The following NR4A3 variants were observed in gnomAD, a reference collection of about 807,000 sequenced individuals.
NR4A3 encodes the protein chondrosarcoma, extraskeletal myxoid, fused to EWS.
NR4A3 carries 13 observed loss-of-function variants against 55.6 expected under a neutral mutation model. The observed-to-expected ratio is 0.23, with a 90% CI of 0.15 to 0.37. The LOEUF (loss-of-function observed/expected upper bound fraction) is 0.37, where lower values mean the gene tolerates loss of function less well. NR4A3 is among the 10% of genes least tolerant of loss of function. The pLI is 1.00. For synonymous variants in NR4A3, 342 were observed against 357.9 expected (o/e 0.96, Z 0.50); for missense variants, 646 against 822.8 (o/e 0.79, Z 2.63).
At chr9:99,839,305 A>C (rs1242481567) in intron 5 of NR4A3, among the ~76,000 whole-genome samples, 1 of 152,036 alleles carries the variant, frequency 6.6e-6, no homozygotes, top group Non-Finnish European at 1.5e-5. Flanking sequence ...ATCACATCTA[A>C]AATTTTTAGA....
chr9:99,832,920 C>T (rs1827474998), intron 4 of NR4A3, 102 bp downstream of exon 4: 1 of 1,030,954 alleles, frequency 9.7e-7, no homozygotes, highest in South Asian at 2.4e-5. Flanking sequence ...TTTCTAGTTC[C>T]TTTTTCCTTT....
intron 7 of NR4A3, among the ~76,000 whole-genome samples, chr9:99,862,122 A>G (rs897402919): frequency 2.6e-5 from 4 of 152,106 alleles, no homozygotes; most frequent in African/African-American, 7.2e-5. Flanking sequence ...TTTTGTAAAA[A>G]TTAGAAACTA....
chr9:99,844,282 T>A (rs1208345767), intron 5 of NR4A3, among the ~76,000 whole-genome samples: 1 of 152,190 alleles, frequency 6.6e-6, no homozygotes, highest in Non-Finnish European at 1.5e-5. Context: ...GCTTTTAAAA[T>A]TCTTGACCCC....
chr9:99,864,006 T>C lies in NR4A3; in HGVS notation c.*139T>C, dbSNP rs1017355292. 1 of 1,004,528 alleles carries C rather than the reference T, an allele frequency of 1.0e-6. No individual in the cohort carries two copies. Among genetic ancestry groups the C allele is most frequent in the Non-Finnish European group, 1.4e-6 (1 of 699,574 alleles). The allele number at this position is 1,004,528 out of a possible 1,614,324, so 62.2% of individuals were successfully genotyped here. A position where few individuals can be genotyped will look rare whatever the true frequency, so the allele number is the denominator to read the frequency against. On this transcript the variant is annotated 3_prime_UTR_variant, in exon 8 of 8. Coordinates refer to ENST00000395097, the MANE Select transcript of NR4A3 (RefSeq NM_006981.4). Reference sequence around the variant, plus strand: ...CTCCTGTAGAAAGCAAAGACTTTCTTTTTTTTCTGGCTCTTTTCCTTACAA... The same window carrying C: ...CTCCTGTAGAAAGCAAAGACTTTCTCTTTTTTCTGGCTCTTTTCCTTACAA...
chr9:99,827,046 A>G (rs1031475288), intron 2 of NR4A3, among the ~76,000 whole-genome samples: 3 of 152,224 alleles, frequency 2.0e-5, no homozygotes, highest in Admixed American at 6.5e-5. Context: ...CTCTCTGAAC[A>G]ATAGTAAGCA....
rs1250540598 is a variant in NR4A3, at chr9:99,822,443, T to G, written c.-177+36T>G. On this transcript the variant is annotated intron_variant, in intron 1 of 7. Transcript: ENST00000395097. The surrounding 1 kb of genome is among the most constrained non-coding windows in gnomAD (Gnocchi z 4.9). ...GATTCGCCCAGTTAATAAGGGGACT[T>G]GCTAAAAAAGTTGGCTTGCTGGGAA... 1 of 152,350 alleles carries G rather than the reference T, an allele frequency of 6.6e-6. No homozygotes were observed. The highest frequency in any genetic ancestry group is 1.5e-5 in the Non-Finnish European group (1 of 68,098). The allele number at this position is 152,350 out of a possible 1,614,324, so 9.4% of individuals were successfully genotyped here. A position where few individuals can be genotyped will look rare whatever the true frequency, so the allele number is the denominator to read the frequency against.
intron 6 of NR4A3, among the ~76,000 whole-genome samples, chr9:99,846,049 C>G (rs1374271798): frequency 6.6e-6 from 1 of 152,198 alleles, no homozygotes; most frequent in Non-Finnish European, 1.5e-5. Flanking sequence ...CTCCCAGTGC[C>G]TGGCTCCAGG....
intron 5 of NR4A3, chr9:99,833,669 C>G (rs1471330598): frequency 7.0e-6 from 11 of 1,581,502 alleles, no homozygotes; most frequent in Non-Finnish European, 9.4e-6. Context: ...AACAAGTGAC[C>G]CTGACAGTGC....
At position 99,829,008 on chromosome 9, in the gene NR4A3, C is replaced by G; in HGVS notation, c.951+15C>G. 1 of 1,327,564 alleles carries G rather than the reference C, an allele frequency of 7.5e-7. No homozygotes were observed. Among genetic ancestry groups the G allele is most frequent in the South Asian group, 2.0e-5 (1 of 50,218 alleles). 82.2% of individuals were successfully genotyped at this position (1,327,564 alleles called of 1,614,324 possible). ...GCTTTTTCAAGGTGAGCGCACGCCGCCCCCTCCCCTCCGCACCCAGCCCCC... is the reference window on the plus strand; with the variant it reads ...GCTTTTTCAAGGTGAGCGCACGCCGGCCCCTCCCCTCCGCACCCAGCCCCC... On this transcript the variant is annotated intron_variant, in intron 3 of 7. Coordinates refer to ENST00000395097, the MANE Select transcript of NR4A3 (RefSeq NM_006981.4).
chr9:99,824,365 C>A (rs1202261969), intron 1 of NR4A3, among the ~76,000 whole-genome samples: 1 of 152,216 alleles, frequency 6.6e-6, no homozygotes, highest in Non-Finnish European at 1.5e-5. Context: ...AATGCGGGCA[C>A]CCACTGAAGG....
chr9:99,826,817 C>A (rs1827302950), intron 2 of NR4A3: 1 of 1,607,648 alleles, frequency 6.2e-7, no homozygotes, highest in Non-Finnish European at 8.5e-7. Flanking sequence ...AGAAAGATGT[C>A]AAAGGAAATG....
Position 99,828,139 on chromosome 9 carries a change from C to T in NR4A3, c.97C>T (p.Pro33Ser). The T allele has an allele frequency of 6.2e-7, 1 of 1,614,068 alleles. No homozygotes were observed. Among genetic ancestry groups the T allele is most frequent in the Non-Finnish European group, 8.5e-7 (1 of 1,180,014 alleles). ...SSEYTTEIMN[P>S]DYTKLTMDLG... is the part of the protein sequence containing the mutation. ...GGAATACACCACGGAGATCATGAAC[C>T]CCGACTACACCAAGCTGACCATGGA... Residue 33 changes from proline (P) to serine (S), a missense_variant, in exon 3 of 8, where the codon CCC (proline) becomes TCC (serine). Physicochemically the swap from Pro to Ser is moderately conservative, Grantham distance 74 (BLOSUM62 -1). Coordinates refer to ENST00000395097, the MANE Select transcript of NR4A3 (RefSeq NM_006981.4). The surrounding 1 kb of genome is among the most constrained non-coding windows in gnomAD (Gnocchi z 7.7).
intron 7 of NR4A3, among the ~76,000 whole-genome samples, chr9:99,850,072 C>T (rs894954765): frequency 6.6e-6 from 1 of 152,102 alleles, no homozygotes; most frequent in African/African-American, 2.4e-5. Context: ...AAGGAAACAG[C>T]TGAAAATTGG....
In NR4A3 at chr9:99,824,958, C is replaced by A. The variant is rs115142997; in HGVS notation, c.-176-701C>A. ...CCTCTGGGTGCAGGGGACCTGCCTC[C>A]GCTCGTCCCATCAGCCGCTAACGCC... On this transcript the variant is annotated intron_variant, in intron 1 of 7. Transcript: ENST00000395097. 1.2e-3 allele frequency among the ~76,000 whole-genome samples: 180 copies of A among 152,332 alleles called. 2 individuals carry two copies. Among genetic ancestry groups the A allele is most frequent in the African/African-American group, 3.9e-3 (164 of 41,578 alleles).
At position 99,863,612 on chromosome 9, in the gene NR4A3, C is replaced by G; in HGVS notation, c.1634-8C>G. The G allele has an allele frequency of 1.2e-6, 2 of 1,612,244 alleles. No homozygotes were observed. Among genetic ancestry groups the G allele is most frequent in the Non-Finnish European group, 1.7e-6 (2 of 1,179,262 alleles). On this transcript the variant is annotated splice_polypyrimidine_tract_variant and splice_region_variant and intron_variant, in intron 7 of 7. Transcript: ENST00000395097. ...CTAAACTTCTTGCCCTTCTCTATCC[C>G]TCTGCAGAAAGACATGGGTTAAAAG... is the stretch of plus-strand genomic sequence containing the variant.
intron 7 of NR4A3, among the ~76,000 whole-genome samples, chr9:99,853,338 T>TTATTA (rs1564038146): frequency 4.7e-5 from 7 of 149,332 alleles, no homozygotes; most frequent in Admixed American, 1.3e-4. Context: ...TTTTTTTTTT[T>TTATTA]TTATTATACT....
chr9:99,845,037 G>C (rs1221571737), intron 6 of NR4A3, among the ~76,000 whole-genome samples, 189 bp downstream of exon 6: 1 of 152,178 alleles, frequency 6.6e-6, no homozygotes, highest in Non-Finnish European at 1.5e-5. Flanking sequence ...GTGGGTTCTA[G>C]TCCCAGTTCT....
Position 99,838,769 on chromosome 9 carries a change from A to C in NR4A3, c.1254+5315A>C, listed in dbSNP as rs112115503. On this transcript the variant is annotated intron_variant, in intron 5 of 7. Coordinates refer to ENST00000395097, the MANE Select transcript of NR4A3 (RefSeq NM_006981.4). ...CATACCCACTCAGACATACTGAATC[A>C]GAACTGGGAAGAAGGAGAGGCAGGC... Among the ~76,000 whole-genome samples the C allele has an allele frequency of 2.9e-4, 44 of 152,364 alleles. 2 individuals carry two copies. Among genetic ancestry groups the C allele is most frequent in the African/African-American group, 1.0e-3 (42 of 41,594 alleles).
At chr9:99,834,723 GTACCTGC>G (rs1471556453) in intron 5 of NR4A3, 37 of 850,962 alleles carry the variant, frequency 4.3e-5, no homozygotes, top group Non-Finnish European at 5.2e-5. Flanking sequence ...AATGATTAGT[GTACCTGC>G]TGTGATCCTC....
Sources: allele counts gnomAD v4.1 joint callset (sites outside exome capture counted in the v4.1 genomes callset), GRCh38; gene constraint gnomAD v4.1.1; non-coding constraint Gnocchi (gnomAD v3.1); transcripts MANE v1.5; gene names NCBI Gene and HGNC (gene_info 2026-07-23, HGNC 2026-07-21).